The following CHRM3 variants were observed in gnomAD, a reference collection of about 807,000 sequenced individuals.
The protein encoded by CHRM3 is muscarinic acetylcholine receptor M3.
In CHRM3, 11 loss-of-function variants were observed where a neutral mutation model predicts 41.8. The ratio of observed to expected loss-of-function variants is 0.26; its 90% CI spans 0.17 to 0.44. The LOEUF (loss-of-function observed/expected upper bound fraction) is 0.44, where lower values mean the gene tolerates loss of function less well. CHRM3 is among the 20% of genes least tolerant of loss of function. The pLI, the probability that CHRM3 is intolerant of heterozygous loss-of-function variation, is 1.00. For synonymous variants in CHRM3, 297 were observed against 301.4 expected (o/e 0.99, Z 0.15); for missense variants, 571 against 745.4 (o/e 0.77, Z 2.72).
intron 4 of CHRM3, among the ~76,000 whole-genome samples, chr1:239,663,504 A>G (rs1320051575): frequency 6.6e-6 from 1 of 152,168 alleles, no homozygotes; most frequent in Non-Finnish European, 1.5e-5. Flanking sequence ...GAGTCCTAAG[A>G]GAAAGGAAGA....
intron 2 of CHRM3, among the ~76,000 whole-genome samples, chr1:239,544,356 T>C (rs1659084441): frequency 6.6e-6 from 1 of 152,222 alleles, no homozygotes; most frequent in Non-Finnish European, 1.5e-5. Context: ...ACTTAATCTA[T>C]AGGTAAAACG....
Position 239,581,308 on chromosome 1 carries a change from G to A in CHRM3, c.-313+35559G>A, listed in dbSNP as rs1045478586. Among the ~76,000 whole-genome samples, 7 of 152,096 alleles carry A rather than the reference G, an allele frequency of 4.6e-5. No homozygotes were observed. In the South Asian group the frequency reaches 6.2e-4, roughly 14 times the overall value. On this transcript the variant is annotated intron_variant, in intron 3 of 6. Transcript: ENST00000676153. Reference sequence around the variant, plus strand: ...CTATGTTTTAAAGAGAATAGATATTGCTCTCCTTTTTCAGATGGGGAAATT... The same window carrying A: ...CTATGTTTTAAAGAGAATAGATATTACTCTCCTTTTTCAGATGGGGAAATT...
rs1242553764 is a variant in CHRM3 at position 239,795,613 on chromosome 1, A to G, written c.-146-31639A>G. ...CTCCCCATTTCAGAATAAAGATGAA[A>G]CCTTTTCTCCATTTCTATATTTGTT... On this transcript the variant is annotated intron_variant, in intron 5 of 6. Coordinates refer to ENST00000676153, the MANE Select transcript of CHRM3 (RefSeq NM_001375978.1). Among the ~76,000 whole-genome samples the G allele has an allele frequency of 2.0e-5, 3 of 152,158 alleles. No homozygotes were observed. In the East Asian group the frequency reaches 5.8e-4, roughly 29 times the overall value.
At chr1:239,754,913 G>A (rs1395861367) in intron 5 of CHRM3, among the ~76,000 whole-genome samples, 1 of 152,088 alleles carries the variant, frequency 6.6e-6, no homozygotes, top group Non-Finnish European at 1.5e-5. Flanking sequence ...AAAAAAATGA[G>A]CAATCTAATT....
chr1:239,684,690 GGA>G (rs573080024), intron 5 of CHRM3, among the ~76,000 whole-genome samples: 165 of 119,094 alleles, frequency 1.4e-3, no homozygotes, highest in Non-Finnish European at 2.0e-3. Flanking sequence ...AAGGAAGGAA[GGA>G]GAGAGAGAGA....
At chr1:239,580,174 A>G (rs562416121) in intron 3 of CHRM3, among the ~76,000 whole-genome samples, 17 of 152,124 alleles carry the variant, frequency 1.1e-4, no homozygotes, top group Non-Finnish European at 2.1e-4. Context: ...TTGTGAATAC[A>G]AAGATGACAG....
At chr1:239,648,476 C>G (rs1170387484) in intron 4 of CHRM3, among the ~76,000 whole-genome samples, 1 of 152,104 alleles carries the variant, frequency 6.6e-6, no homozygotes, top group Non-Finnish European at 1.5e-5. Flanking sequence ...GTGGACAACA[C>G]AAGAGAATAA....
At chr1:239,614,941 C>T (rs912868529) in intron 3 of CHRM3, among the ~76,000 whole-genome samples, 3 of 151,996 alleles carry the variant, frequency 2.0e-5, no homozygotes, top group Admixed American at 1.3e-4. Context: ...CAAAGTAATG[C>T]TTATTTTATA....
chr1:239,669,423 A>T (rs1156333459), intron 4 of CHRM3, among the ~76,000 whole-genome samples: 2 of 152,166 alleles, frequency 1.3e-5, no homozygotes, highest in Non-Finnish European at 2.9e-5. Context: ...TTATTTCTGC[A>T]GGCCTGGCAT....
At chr1:239,417,701 T>C (rs991673322) in intron 1 of CHRM3, among the ~76,000 whole-genome samples, 1 of 152,038 alleles carries the variant, frequency 6.6e-6, no homozygotes, top group Non-Finnish European at 1.5e-5. Context: ...CAAGTATTCT[T>C]AATTTAAAAT....
At chr1:239,537,623 G>A (rs760066400) in intron 2 of CHRM3, among the ~76,000 whole-genome samples, 8 of 152,166 alleles carry the variant, frequency 5.3e-5, no homozygotes, top group Non-Finnish European at 8.8e-5. Flanking sequence ...ATTGAATTCC[G>A]TTTGTTCCCT....
At chr1:239,409,768 C>T (rs1660922630) in intron 1 of CHRM3, among the ~76,000 whole-genome samples, 1 of 152,108 alleles carries the variant, frequency 6.6e-6, no homozygotes. Context: ...TGGTGAAACC[C>T]CGTCTCTACT....
chr1:239,722,285 A>G (rs1663044936), intron 5 of CHRM3, among the ~76,000 whole-genome samples: 1 of 151,920 alleles, frequency 6.6e-6, no homozygotes, highest in Non-Finnish European at 1.5e-5. Flanking sequence ...CTCAATAGCT[A>G]ACAAAACAGA....
intron 6 of CHRM3, among the ~76,000 whole-genome samples, chr1:239,881,021 C>T (rs1320995483): frequency 1.3e-5 from 2 of 152,106 alleles, no homozygotes; most frequent in African/African-American, 4.8e-5. Flanking sequence ...CGGTGGCTCA[C>T]GCCTGTCATC....
At chr1:239,725,809 T>C (rs748038191) in intron 5 of CHRM3, among the ~76,000 whole-genome samples, 5 of 151,914 alleles carry the variant, frequency 3.3e-5, no homozygotes, top group Non-Finnish European at 7.4e-5. Context: ...TGGGTAAAAA[T>C]AATTTAGACT....
chr1:239,659,114 T>G (rs910182168), intron 4 of CHRM3, among the ~76,000 whole-genome samples: 27 of 152,178 alleles, frequency 1.8e-4, no homozygotes, highest in South Asian at 2.1e-4. Context: ...AGTGGTTGTT[T>G]TTCCTTTTGC....
At chr1:239,395,868 C>A (rs1467310045) in intron 1 of CHRM3, among the ~76,000 whole-genome samples, 1 of 152,200 alleles carries the variant, frequency 6.6e-6, no homozygotes, top group Non-Finnish European at 1.5e-5. Flanking sequence ...CTTTCTCCTA[C>A]CCTTGAACAC....
intron 1 of CHRM3, among the ~76,000 whole-genome samples, chr1:239,411,364 G>A (rs1391307432): frequency 6.6e-6 from 1 of 151,926 alleles, no homozygotes; most frequent in African/African-American, 2.4e-5. Flanking sequence ...AGCTTATTTG[G>A]GCAGCAAACA....
intron 3 of CHRM3, among the ~76,000 whole-genome samples, chr1:239,611,605 G>T (rs1667061676): frequency 6.6e-6 from 1 of 151,916 alleles, no homozygotes; most frequent in Admixed American, 6.6e-5. Flanking sequence ...ATTTTTAGTA[G>T]AGATGGGGTT....
Sources: allele counts gnomAD v4.1 joint callset (sites outside exome capture counted in the v4.1 genomes callset), GRCh38; gene constraint gnomAD v4.1.1; transcripts MANE v1.5; gene names NCBI Gene and HGNC (gene_info 2026-07-23, HGNC 2026-07-21).